The following CDC42BPA variants were observed in gnomAD, a reference collection of about 807,000 sequenced individuals.
CDC42BPA encodes the protein serine/threonine-protein kinase MRCK alpha.
CDC42BPA carries 80 observed loss-of-function variants against 223.5 expected under a neutral mutation model. The ratio of observed to expected loss-of-function variants is 0.36; its 90% CI spans 0.30 to 0.43. The LOEUF is 0.43. Ranked by LOEUF, CDC42BPA falls within the 20% of genes least tolerant of loss-of-function variation. The probability of loss-of-function intolerance (pLI) is 1.00; values close to 1 mark genes in which losing one functional copy is unlikely to be tolerated. For synonymous variants in CDC42BPA, 694 were observed against 718.6 expected (o/e 0.97, Z 0.55); for missense variants, 1,743 against 2,099.9 (o/e 0.83, Z 3.32).
chr1:227,293,412 G>C (rs1208623860), intron 1 of CDC42BPA, among the ~76,000 whole-genome samples: 1 of 151,476 alleles, frequency 6.6e-6, no homozygotes, highest in Non-Finnish European at 1.5e-5. Context: ...CTTATAATGT[G>C]TTATGAGAAC....
intron 5 of CDC42BPA, among the ~76,000 whole-genome samples, chr1:227,179,946 G>A (rs1667659135): frequency 1.3e-5 from 2 of 152,076 alleles, no homozygotes; most frequent in Admixed American, 1.3e-4. Context: ...GGAGGTTCAC[G>A]CCTGTAATCC....
chr1:227,233,584 T>C (rs1163317601), intron 2 of CDC42BPA, among the ~76,000 whole-genome samples: 1 of 152,196 alleles, frequency 6.6e-6, no homozygotes, highest in African/African-American at 2.4e-5. Flanking sequence ...GAAATAATCA[T>C]GTGATTTTCC....
chr1:227,264,827 G>C (rs778593442), intron 1 of CDC42BPA: 16 of 1,490,360 alleles, frequency 1.1e-5, no homozygotes, highest in Admixed American at 1.7e-5. Context: ...TTTTGGAATT[G>C]TGTATGCCAC....
intron 11 of CDC42BPA, among the ~76,000 whole-genome samples, chr1:227,122,468 G>A (rs1211577857): frequency 6.6e-6 from 1 of 152,110 alleles, no homozygotes; most frequent in African/African-American, 2.4e-5. Context: ...AAGCTTTAAG[G>A]ATATTTTTAC....
intron 11 of CDC42BPA, among the ~76,000 whole-genome samples, chr1:227,124,380 T>C (rs1478464561): frequency 6.6e-6 from 1 of 152,110 alleles, no homozygotes; most frequent in Non-Finnish European, 1.5e-5. Context: ...ATTGAAGGTA[T>C]TTTTTCTTTG....
intron 26 of CDC42BPA, among the ~76,000 whole-genome samples, chr1:227,033,676 G>A (rs1572383513): frequency 2.0e-5 from 3 of 152,152 alleles, no homozygotes; most frequent in Admixed American, 6.5e-5. Context: ...AAGTATACAC[G>A]TAGAACTGGG....
Position 226,994,862 on chromosome 1 carries a change from G to A in CDC42BPA, c.5094C>T (p.Asp1698=). 1 of 1,613,972 alleles carries A rather than the reference G, an allele frequency of 6.2e-7. No individual in the cohort carries two copies. The highest frequency in any genetic ancestry group is 8.5e-7 in the Non-Finnish European group (1 of 1,179,932). ...SEGSLSSGGM[D]QGSDAPARDF... ...CCCTCGCTGGGGCATCACTTCCTTG[G>A]TCCATGCCTCCAGAGGACAAAGAGC... Residue 1698 remains aspartate, a synonymous_variant, in exon 36 of 37, where the codon GAC becomes GAT. Coordinates refer to ENST00000366766, the MANE Select transcript of CDC42BPA (RefSeq NM_001394014.1). The surrounding 1 kb of genome is among the most constrained non-coding windows in gnomAD (Gnocchi z 4.0).
rs1169766849 is a variant in CDC42BPA at position 227,305,750 on chromosome 1, G to A, written c.178+11255C>T. On this transcript the variant is annotated intron_variant, in intron 1 of 36. Coordinates refer to ENST00000366766, the MANE Select transcript of CDC42BPA (RefSeq NM_001394014.1). ...GGAGGCCAAGGTGGGTGGATAACCC[G>A]AGGTCAGGAGTTTGAGACCAGCCTG... 4.6e-5 allele frequency among the ~76,000 whole-genome samples: 7 copies of A among 152,214 alleles called. No individual in the cohort carries two copies. In the South Asian group the frequency reaches 6.2e-4, roughly 14 times the overall value.
chr1:227,264,705 GAAAT>G, intron 1 of CDC42BPA: 1 of 677,760 alleles, frequency 1.5e-6, no homozygotes, highest in African/African-American at 1.8e-5. Flanking sequence ...TTTAACATGA[GAAAT>G]AAAATATATG....
intron 2 of CDC42BPA, among the ~76,000 whole-genome samples, chr1:227,250,320 T>C (rs557293366): frequency 6.6e-6 from 1 of 151,980 alleles, no homozygotes; most frequent in East Asian, 1.9e-4. Context: ...AAACCACATG[T>C]CTACTAAAAA....
intron 1 of CDC42BPA, among the ~76,000 whole-genome samples, chr1:227,289,488 C>A (rs143394095): frequency 2.6e-5 from 4 of 152,196 alleles, no homozygotes; most frequent in Admixed American, 6.5e-5. Context: ...CCAAAACACT[C>A]TGTCACAGCA....
At chr1:227,184,279 T>C (rs1668405469) in intron 5 of CDC42BPA, among the ~76,000 whole-genome samples, 1 of 152,184 alleles carries the variant, frequency 6.6e-6, no homozygotes, top group Non-Finnish European at 1.5e-5. Context: ...CCAGAAAATG[T>C]TCTCCAATAT....
chr1:227,216,715 T>A (rs1447299400), intron 2 of CDC42BPA, among the ~76,000 whole-genome samples: 1 of 152,192 alleles, frequency 6.6e-6, no homozygotes, highest in Non-Finnish European at 1.5e-5. Flanking sequence ...CAGCTTAACA[T>A]ATAACAGTGT....
At chr1:227,297,954 G>A (rs10916119) in intron 1 of CDC42BPA, among the ~76,000 whole-genome samples, 28,846 of 126,476 alleles carry the variant, frequency 0.23, 3,480 homozygotes, top group East Asian at 0.37. Context: ...GTGTGTGTGT[G>A]TATATATACA....
chr1:227,014,196 G>C (rs535105809), intron 34 of CDC42BPA, among the ~76,000 whole-genome samples: 8 of 152,036 alleles, frequency 5.3e-5, no homozygotes, highest in African/African-American at 1.9e-4. Flanking sequence ...AAATAGTATA[G>C]CTTTTAAACA....
intron 23 of CDC42BPA, among the ~76,000 whole-genome samples, chr1:227,046,992 T>C (rs1672582636): frequency 6.6e-6 from 1 of 152,142 alleles, no homozygotes; most frequent in Non-Finnish European, 1.5e-5. Context: ...GAATGCCCAA[T>C]ATTTTTCCTT....
intron 15 of CDC42BPA, among the ~76,000 whole-genome samples, chr1:227,096,059 G>A (rs1683941272): frequency 6.6e-6 from 1 of 152,072 alleles, no homozygotes; most frequent in Non-Finnish European, 1.5e-5. Context: ...AGTAATGGTT[G>A]ATCTTAAAAG....
At chr1:227,236,026 T>C (rs1477278242) in intron 2 of CDC42BPA, among the ~76,000 whole-genome samples, 1 of 152,186 alleles carries the variant, frequency 6.6e-6, no homozygotes, top group Non-Finnish European at 1.5e-5. Flanking sequence ...TCCTGTGTTG[T>C]ATATATATCC....
At chr1:227,183,752 A>C (rs1438079234) in intron 5 of CDC42BPA, among the ~76,000 whole-genome samples, 1 of 152,232 alleles carries the variant, frequency 6.6e-6, no homozygotes, top group Non-Finnish European at 1.5e-5. Flanking sequence ...TACATGCTTA[A>C]CTTCTTTTAA....
Sources: allele counts gnomAD v4.1 joint callset (sites outside exome capture counted in the v4.1 genomes callset), GRCh38; gene constraint gnomAD v4.1.1; non-coding constraint Gnocchi (gnomAD v3.1); transcripts MANE v1.5; gene names NCBI Gene and HGNC (gene_info 2026-07-23, HGNC 2026-07-21).